The following DENND1B variants were observed in gnomAD, a reference collection of about 807,000 sequenced individuals.
The protein encoded by DENND1B is DENN domain containing 1B, also known as DENN domain-containing protein 1B.
DENND1B carries 59 observed loss-of-function variants against 90.1 expected under a neutral mutation model. The observed-to-expected ratio is 0.65, with a 90% CI of 0.53 to 0.81. The LOEUF (loss-of-function observed/expected upper bound fraction) is 0.81. Among genes scored for constraint, DENND1B ranks in the 40% least tolerant of loss-of-function variants. DENND1B has a pLI of 0.00. For synonymous variants in DENND1B, 337 were observed against 324.6 expected, an observed-to-expected ratio of 1.04 and a Z score of -0.41; for missense variants, 862 against 912.6, an observed-to-expected ratio of 0.94 and a Z score of 0.71.
intron 2 of DENND1B, chr1:197,734,880 G>C: frequency 1.0e-6 from 1 of 985,070 alleles, no homozygotes; most frequent in African/African-American, 1.7e-5. Context: ...CTTATACATA[G>C]CAGATGTCTG....
rs373491383 is a variant in DENND1B, at chr1:197,583,126, A to G, written c.1149+26T>C. 8 of 1,599,600 alleles carry G rather than the reference A, an allele frequency of 5.0e-6. No homozygotes were observed. The South Asian group carries it at 6.6e-5, about 13-fold the overall frequency. On this transcript the variant is annotated intron_variant, in intron 15 of 22. Coordinates refer to ENST00000620048, the MANE Select transcript of DENND1B (RefSeq NM_001195215.2). ...AAAACTGACAATGTTGTCTTACAAA[A>G]GAAAAATGTGGAGGTCCACTCTTAC... is the stretch of plus-strand genomic sequence containing the variant.
Position 197,508,107 on chromosome 1 carries a change from T to C in DENND1B, c.*2353A>G, listed in dbSNP as rs10922241. ...ATTTGGATTTCTGAAGCCGTGATGT[T>C]GATAAAGCAAATGGACTAAAAACCA... is the stretch of plus-strand genomic sequence containing the variant. On this transcript the variant is annotated 3_prime_UTR_variant, in exon 23 of 23. Transcript: ENST00000620048. The C allele has an allele frequency of 0.95, 144,520 of 151,496 alleles. 69,305 individuals are homozygous for C. Among genetic ancestry groups the C allele is most frequent in the East Asian group, 1 (5,114 of 5,114 alleles). 9.4% of individuals were successfully genotyped at this position (151,496 alleles called of 1,614,324 possible). A position where few individuals can be genotyped will look rare whatever the true frequency, so the allele number is the denominator to read the frequency against.
At chr1:197,601,683 T>C (rs1324550774) in intron 13 of DENND1B, among the ~76,000 whole-genome samples, 3 of 151,542 alleles carry the variant, frequency 2.0e-5, no homozygotes, top group African/African-American at 7.3e-5. Flanking sequence ...ATAAATCAAC[T>C]TTAGAATGGC....
intron 2 of DENND1B, among the ~76,000 whole-genome samples, chr1:197,742,605 A>T (rs1313386716): frequency 6.6e-6 from 1 of 152,332 alleles, no homozygotes; most frequent in East Asian, 1.9e-4. Context: ...AAAGTTGAGC[A>T]ACAGGAAAAG....
chr1:197,666,904 T>A lies in DENND1B; in HGVS notation c.296+5133A>T, dbSNP rs1009644850. Among the ~76,000 whole-genome samples the A allele has an allele frequency of 3.3e-5, 5 of 152,256 alleles. 1 individual carries two copies. The South Asian group carries it at 1.0e-3, about 32-fold the overall frequency. ...TGGGGGCAGTGGCTCACGCCTGTAA[T>A]CCCAACACTTTGGGAGTTCAGGCGA... On this transcript the variant is annotated intron_variant, in intron 5 of 22. Transcript: ENST00000620048.
At chr1:197,676,018 C>T (rs939910588) in intron 3 of DENND1B, among the ~76,000 whole-genome samples, 2 of 145,270 alleles carry the variant, frequency 1.4e-5, no homozygotes, top group Non-Finnish European at 3.0e-5. Context: ...AGTCTTTAAA[C>T]CTCCGCACTC....
At chr1:197,725,898 G>A (rs1661583830) in intron 2 of DENND1B, among the ~76,000 whole-genome samples, 1 of 151,838 alleles carries the variant, frequency 6.6e-6, no homozygotes, top group East Asian at 1.9e-4. Flanking sequence ...ATAAAATAAT[G>A]AACCCAGTTA....
chr1:197,674,296 G>A lies in DENND1B; in HGVS notation c.127-127C>T, dbSNP rs971540022. 7.5e-6 allele frequency: 5 copies of A among 667,366 alleles called. No individual in the cohort carries two copies. The African/African-American group carries it at 9.2e-5, about 12-fold the overall frequency. 41.3% of individuals were successfully genotyped at this position (667,366 alleles called of 1,614,324 possible). On this transcript the variant is annotated intron_variant, in intron 3 of 22. Transcript: ENST00000620048. ...CTTTGTCCTTAAGAAAAATAGCACA[G>A]GTTCCTAGACTAAAATAATTGATTA...
chr1:197,766,226 T>C (rs1034886967), intron 2 of DENND1B, among the ~76,000 whole-genome samples: 1 of 152,228 alleles, frequency 6.6e-6, no homozygotes, highest in African/African-American at 2.4e-5. Flanking sequence ...TCAGCCACCA[T>C]GCCTGGTCAC....
chr1:197,577,313 T>C (rs959198884), intron 15 of DENND1B, among the ~76,000 whole-genome samples: 3 of 152,260 alleles, frequency 2.0e-5, no homozygotes, highest in Admixed American at 1.3e-4. Context: ...GAATATACAA[T>C]GTATAAATGT....
At chr1:197,635,405 A>G (rs1359858251) in intron 10 of DENND1B, among the ~76,000 whole-genome samples, 1 of 152,042 alleles carries the variant, frequency 6.6e-6, no homozygotes, top group African/African-American at 2.4e-5. Context: ...TAGAGCGATT[A>G]TGGCTCACTA....
At chr1:197,669,773 T>C (rs1403330003) in intron 5 of DENND1B, among the ~76,000 whole-genome samples, 1 of 152,040 alleles carries the variant, frequency 6.6e-6, no homozygotes, top group Non-Finnish European at 1.5e-5. Context: ...CCAAAAGCAC[T>C]GTCAAATGAC....
At chr1:197,550,687 A>G (rs1280107931) in intron 16 of DENND1B, among the ~76,000 whole-genome samples, 1 of 150,754 alleles carries the variant, frequency 6.6e-6, no homozygotes, top group Non-Finnish European at 1.5e-5. Flanking sequence ...GGGGAGGGAT[A>G]GCATTTGGAG....
At chr1:197,650,601 T>A (rs1653026431) in intron 7 of DENND1B, among the ~76,000 whole-genome samples, 1 of 152,076 alleles carries the variant, frequency 6.6e-6, no homozygotes, top group African/African-American at 2.4e-5. Flanking sequence ...AACTGCAAAA[T>A]CGTGGAATCA....
At chr1:197,628,014 T>C (rs369204876) in intron 10 of DENND1B, among the ~76,000 whole-genome samples, 1 of 151,876 alleles carries the variant, frequency 6.6e-6, no homozygotes, top group Non-Finnish European at 1.5e-5. Context: ...CACTGCTCAA[T>C]GAAATAAAAG....
intron 10 of DENND1B, among the ~76,000 whole-genome samples, chr1:197,635,269 A>C (rs141199749): frequency 5.3e-5 from 8 of 152,338 alleles, no homozygotes; most frequent in Non-Finnish European, 1.0e-4. Flanking sequence ...GACACAATTT[A>C]AATGATTAAA....
At chr1:197,678,234 T>C (rs1013227752) in intron 3 of DENND1B, among the ~76,000 whole-genome samples, 1 of 152,220 alleles carries the variant, frequency 6.6e-6, no homozygotes, top group Non-Finnish European at 1.5e-5. Flanking sequence ...AAGTATATTA[T>C]ATTTTATTTC....
intron 18 of DENND1B, among the ~76,000 whole-genome samples, chr1:197,542,949 C>T (rs1489939131): frequency 7.2e-6 from 1 of 137,998 alleles, no homozygotes. Flanking sequence ...TTATTTTTTT[C>T]CCTGAGACAA....
intron 2 of DENND1B, chr1:197,757,208 C>G (rs986708137): frequency 3.3e-5 from 5 of 152,074 alleles, no homozygotes; most frequent in African/African-American, 1.2e-4. Context: ...TAACTTTTCT[C>G]ATTTTAAGAC....
Sources: gnomAD v4.1 joint callset for allele counts (sites outside exome capture counted in the v4.1 genomes callset) on GRCh38, gnomAD v4.1.1 for gene constraint, MANE v1.5 for transcripts, NCBI Gene and HGNC (gene_info 2026-07-23, HGNC 2026-07-21) for gene names.